KLF8: variants seen among roughly 807,000 people sequenced by gnomAD.
KLF8 encodes the protein KLF transcription factor 8.
In KLF8, 10 loss-of-function variants were observed where a neutral mutation model predicts 18.2. That is an observed-to-expected ratio of 0.55 (90% confidence interval 0.34 to 0.93). KLF8 has a LOEUF of 0.93. KLF8 is among the 40% of genes least tolerant of loss of function. KLF8 has a pLI of 0.02. For missense variants in KLF8, 264 were observed against 277.9 expected, an observed-to-expected ratio of 0.95 and a Z score of 0.36; for synonymous variants, 109 against 97.3, an observed-to-expected ratio of 1.12 and a Z score of -0.71.
chrX:55,922,714 T>C, the KLF8 span, among the ~76,000 whole-genome samples: 1 of 111,742 alleles, frequency 8.9e-6, no homozygotes, highest in South Asian at 3.7e-4. Flanking sequence ...CCAACAAACA[T>C]ATGAAAAAAA....
chrX:56,186,627 T>C, the KLF8 span, among the ~76,000 whole-genome samples: 2 of 111,665 alleles, frequency 1.8e-5, no homozygotes, highest in African/African-American at 6.5e-5. Flanking sequence ...TAGTTGGAAG[T>C]AAAGCTCTCC....
the KLF8 span, among the ~76,000 whole-genome samples, chrX:56,003,447 T>C: frequency 9.7e-6 from 1 of 103,134 alleles, no homozygotes; most frequent in Non-Finnish European, 2.0e-5. Flanking sequence ...AATAAATAAA[T>C]AAAAGTCTGA....
the KLF8 span, among the ~76,000 whole-genome samples, chrX:56,037,211 T>C: frequency 4.5e-5 from 5 of 111,805 alleles, no homozygotes; most frequent in Non-Finnish European, 9.4e-5. Context: ...GTGGTGAGAA[T>C]GGGCATCCTT....
chrX:56,081,524 C>T, the KLF8 span, among the ~76,000 whole-genome samples: 24 of 111,996 alleles, frequency 2.1e-4, no homozygotes. Context: ...TTTTCAATAG[C>T]AGTGGTGAAA....
At chrX:56,161,754 C>A in the KLF8 span, among the ~76,000 whole-genome samples, 3 of 111,871 alleles carry the variant, frequency 2.7e-5, no homozygotes, top group Admixed American at 2.9e-4. Context: ...TCATCTGAAG[C>A]CTTCTGCTCT....
chrX:56,052,595 A>G, the KLF8 span, among the ~76,000 whole-genome samples: 1 of 111,837 alleles, frequency 8.9e-6, no homozygotes, highest in African/African-American at 3.2e-5. Flanking sequence ...TCAGGGGTCA[A>G]GGACCCACTT....
At chrX:56,004,071 T>C in the KLF8 span, among the ~76,000 whole-genome samples, 1 of 112,419 alleles carries the variant, frequency 8.9e-6, no homozygotes, top group Admixed American at 9.4e-5. Flanking sequence ...ACTTCCCCTT[T>C]AAACTGTAGC....
chrX:56,081,168 T>C, the KLF8 span, among the ~76,000 whole-genome samples: 1 of 111,886 alleles, frequency 8.9e-6, no homozygotes, highest in Non-Finnish European at 1.9e-5. Flanking sequence ...TCTCCATCCA[T>C]CTTTGTTCTG....
the KLF8 span, among the ~76,000 whole-genome samples, chrX:56,078,505 G>T: frequency 9.0e-6 from 1 of 111,688 alleles, no homozygotes; most frequent in South Asian, 3.8e-4. Flanking sequence ...CTTGATCATG[G>T]TGGATAAGCT....
chrX:55,938,522 C>A, the KLF8 span, among the ~76,000 whole-genome samples: 1 of 111,383 alleles, frequency 9.0e-6, no homozygotes, highest in African/African-American at 3.3e-5. Flanking sequence ...TCACGTATAA[C>A]AATATTAACC....
At chrX:56,081,858 A>T in the KLF8 span, among the ~76,000 whole-genome samples, 1 of 111,863 alleles carries the variant, frequency 8.9e-6, no homozygotes, top group Non-Finnish European at 1.9e-5. Context: ...AATTCAATTT[A>T]CTAGTATGAT....
the KLF8 span, among the ~76,000 whole-genome samples, chrX:55,988,224 T>A: frequency 9.0e-6 from 1 of 111,309 alleles, no homozygotes; most frequent in Non-Finnish European, 1.9e-5. Context: ...CATTTGTCAA[T>A]TTTGGCTTTT....
the KLF8 span, among the ~76,000 whole-genome samples, chrX:56,052,008 T>G: frequency 1.8e-5 from 2 of 111,250 alleles, no homozygotes; most frequent in African/African-American, 6.6e-5. Flanking sequence ...TCTCACTTCA[T>G]TTCATTCATT....
the KLF8 span, among the ~76,000 whole-genome samples, chrX:56,054,340 T>G: frequency 1.8e-5 from 2 of 111,609 alleles, no homozygotes; most frequent in Non-Finnish European, 3.8e-5. Context: ...AATTTCATCA[T>G]TTACCCAAAC....
the KLF8 span, among the ~76,000 whole-genome samples, chrX:55,925,400 G>GCA: frequency 1.1e-4 from 12 of 107,601 alleles, no homozygotes; most frequent in African/African-American, 2.4e-4. Flanking sequence ...ACACACGCAT[G>GCA]CACACACACA....
chrX:56,122,573 G>A, the KLF8 span, among the ~76,000 whole-genome samples: 2 of 111,264 alleles, frequency 1.8e-5, no homozygotes, highest in Non-Finnish European at 3.8e-5. Context: ...ATGACTTCAT[G>A]TGTTATTTTT....
At chrX:55,950,553 T>C in the KLF8 span, among the ~76,000 whole-genome samples, 1 of 111,675 alleles carries the variant, frequency 9.0e-6, no homozygotes, top group Non-Finnish European at 1.9e-5. Context: ...GGGGCTGTTA[T>C]GAGGATTAAA....
At chrX:56,061,415 G>T in the KLF8 span, among the ~76,000 whole-genome samples, 4 of 111,249 alleles carry the variant, frequency 3.6e-5, no homozygotes, top group Non-Finnish European at 5.7e-5. Context: ...CCTTAATTTC[G>T]TTATTTACCA....
At position 56,265,191 on chromosome X, in the gene KLF8, T is replaced by A. The variant is rs149640050; in HGVS notation, c.93T>A (p.Ser31=). The A allele has an allele frequency of 1.0e-5, 12 of 1,194,444 alleles. No homozygotes were observed. Among genetic ancestry groups the A allele is most frequent in the Middle Eastern group, 2.3e-4 (1 of 4,290 alleles). ...SMQVFKQVTA[S]VRNRDPPEIE... ...TTTATTTATTTAAGGTCACTGCTTCTGTTCGGAACAGAGATCCCCCTGAGA... is the reference window on the plus strand; with the variant it reads ...TTTATTTATTTAAGGTCACTGCTTCAGTTCGGAACAGAGATCCCCCTGAGA... The change falls in exon 3 of 6, where the codon TCT becomes TCA. Residue 31 remains serine, a synonymous_variant. Coordinates refer to ENST00000468660, the MANE Select transcript of KLF8 (RefSeq NM_007250.5).
Sources: gnomAD v4.1 joint callset for allele counts (sites outside exome capture counted in the v4.1 genomes callset) on GRCh38, gnomAD v4.1.1 for gene constraint, MANE v1.5 for transcripts, NCBI Gene and HGNC (gene_info 2026-07-23, HGNC 2026-07-21) for gene names.